The following CNTNAP4 variants were observed in gnomAD, a reference collection of about 807,000 sequenced individuals.
CNTNAP4 encodes the protein contactin associated protein family member 4, also known as contactin-associated protein-like 4.
Under a neutral mutation model 148.4 loss-of-function variants are expected in CNTNAP4, and 98 were observed. The ratio of observed to expected loss-of-function variants is 0.66; its 90% CI spans 0.56 to 0.78. CNTNAP4 has a LOEUF of 0.78. Ranked by LOEUF, CNTNAP4 falls within the 30% of genes least tolerant of loss-of-function variation. The probability of loss-of-function intolerance (pLI) is 0.00; values close to 1 mark genes in which losing one functional copy is unlikely to be tolerated. For missense variants in CNTNAP4, 1,935 were observed against 1,565.6 expected (o/e 1.24, Z -3.98); for synonymous variants, 730 against 565.1 (o/e 1.29, Z -4.14).
intron 18 of CNTNAP4, among the ~76,000 whole-genome samples, 195 bp downstream of exon 18, chr16:76,535,979 C>T (rs989753243): frequency 3.3e-5 from 5 of 152,184 alleles, no homozygotes; most frequent in South Asian, 2.1e-4. Context: ...AAAGATGGAG[C>T]GCATCATATT....
Position 76,482,098 on chromosome 16 carries a change from G to T in CNTNAP4, c.1882+2560G>T, listed in dbSNP as rs548179578. Among the ~76,000 whole-genome samples the T allele has an allele frequency of 2.3e-3, 357 of 152,018 alleles. 3 individuals carry two copies. Among genetic ancestry groups the T allele is most frequent in the Non-Finnish European group, 2.4e-3 (163 of 67,986 alleles). Reference sequence around the variant, plus strand: ...TTTAGTTGGATTGCAACTGCTCCTGGGTTAGGGAATGCTTCTTCAGGAGCA... The same window carrying T: ...TTTAGTTGGATTGCAACTGCTCCTGTGTTAGGGAATGCTTCTTCAGGAGCA... On this transcript the variant is annotated intron_variant, in intron 12 of 23. Coordinates refer to ENST00000611870, the MANE Select transcript of CNTNAP4 (RefSeq NM_033401.5).
chr16:76,396,156 C>T (rs1184264291), intron 3 of CNTNAP4, among the ~76,000 whole-genome samples: 1 of 152,188 alleles, frequency 6.6e-6, no homozygotes, highest in Non-Finnish European at 1.5e-5. Flanking sequence ...CATTCATTTC[C>T]AAATTTTGCT....
intron 3 of CNTNAP4, among the ~76,000 whole-genome samples, chr16:76,385,825 C>T (rs74026757): frequency 2.0e-5 from 3 of 152,042 alleles, no homozygotes; most frequent in African/African-American, 7.3e-5. Context: ...TAACTCATGA[C>T]TGAATGAAGC....
In CNTNAP4 at chr16:76,460,769, A is replaced by ATAAATAAAT. The variant is rs1461987722; in HGVS notation, c.1334-1187_1334-1186insTAAATAAAT. ...CTCATGTCTCAAAAAAAAAAAAAAA[A>ATAAATAAAT]AAAAATATATATATATATATATATA... On this transcript the variant is annotated intron_variant, in intron 8 of 23. Transcript: ENST00000611870. Among the ~76,000 whole-genome samples, 5 of 35,094 alleles carry ATAAATAAAT rather than the reference A, an allele frequency of 1.4e-4. 1 individual carries two copies. Among genetic ancestry groups the ATAAATAAAT allele is most frequent in the African/African-American group, 4.4e-4 (5 of 11,468 alleles). 23.0% of individuals were successfully genotyped at this position (35,094 alleles called of 152,430 possible). A position where few individuals can be genotyped will look rare whatever the true frequency, so the allele number is the denominator to read the frequency against.
chr16:76,472,230 AC>A (rs2081402153), intron 10 of CNTNAP4, among the ~76,000 whole-genome samples: 1 of 130,798 alleles, frequency 7.6e-6, no homozygotes, highest in Non-Finnish European at 1.8e-5. Context: ...GTACTATAGA[AC>A]CTAAATTGCC....
intron 3 of CNTNAP4, among the ~76,000 whole-genome samples, chr16:76,410,468 T>C (rs2078754793): frequency 6.6e-6 from 1 of 151,736 alleles, no homozygotes; most frequent in Non-Finnish European, 1.5e-5. Flanking sequence ...TTTTGTAGTT[T>C]TGTTACATCT....
chr16:76,412,627 T>G (rs1568060074), intron 3 of CNTNAP4, among the ~76,000 whole-genome samples: 1 of 151,338 alleles, frequency 6.6e-6, no homozygotes, highest in Non-Finnish European at 1.5e-5. Context: ...CAATGTCTAA[T>G]AAGATTAGCA....
chr16:76,460,773 A>AAAAAAAAAATATATATATATATATAT lies in CNTNAP4; in HGVS notation c.1334-1182_1334-1181insAAAAAAAATATATATATATATATATA. On this transcript the variant is annotated intron_variant, in intron 8 of 23. Transcript: ENST00000611870. Reference sequence around the variant, plus strand: ...TGTCTCAAAAAAAAAAAAAAAAAAAAATATATATATATATATATATATTTA... The same window carrying AAAAAAAAAATATATATATATATATAT: ...TGTCTCAAAAAAAAAAAAAAAAAAAAAAAAAAAAATATATATATATATATATATATATATATATATATATATATTTA... Among the ~76,000 whole-genome samples, 2 of 57,328 alleles carry AAAAAAAAAATATATATATATATATAT rather than the reference A, an allele frequency of 3.5e-5. 1 individual carries two copies. The highest frequency in any genetic ancestry group is 6.6e-5 in the Non-Finnish European group (2 of 30,514). The allele number at this position is 57,328 out of a possible 152,430, so 37.6% of individuals were successfully genotyped here.
rs908533332 is a variant in CNTNAP4, at chr16:76,556,811, C to T, written c.3734-1679C>T. Reference sequence around the variant, plus strand: ...TTTCATGTACAGAATTTGGTTACCACATTTATATTAATCAGCAACGATTTT... The same window carrying T: ...TTTCATGTACAGAATTTGGTTACCATATTTATATTAATCAGCAACGATTTT... On this transcript the variant is annotated intron_variant, in intron 23 of 23. Transcript: ENST00000611870. Among the ~76,000 whole-genome samples the T allele has an allele frequency of 1.3e-4, 20 of 152,174 alleles. 1 individual carries two copies. Among genetic ancestry groups the T allele is most frequent in the Admixed American group, 2.0e-4 (3 of 15,270 alleles).
rs192753621 is a variant in CNTNAP4, at chr16:76,550,320, G to T, written c.3443-2963G>T. ...TAACATGTAAAATACTCAAACATCC[G>T]GGCATTTGTTTTCTGTTTCTTTAGC... is the stretch of plus-strand genomic sequence containing the variant. On this transcript the variant is annotated intron_variant, in intron 21 of 23. Coordinates refer to ENST00000611870, the MANE Select transcript of CNTNAP4 (RefSeq NM_033401.5). Among the ~76,000 whole-genome samples the T allele has an allele frequency of 7.2e-5, 11 of 152,054 alleles. No individual in the cohort carries two copies. In the East Asian group the frequency reaches 1.7e-3, roughly 24 times the overall value.
chr16:76,333,524 C>T lies in CNTNAP4; in HGVS notation c.196+17001C>T, dbSNP rs180987975. 7.2e-5 allele frequency among the ~76,000 whole-genome samples: 11 copies of T among 152,138 alleles called. No homozygotes were observed. The East Asian group carries it at 1.9e-3, about 27-fold the overall frequency. On this transcript the variant is annotated intron_variant, in intron 2 of 23. Transcript: ENST00000611870. ...TCATTAATTGTTTGTACATTGTTTCCTTTAGCTCTTTGAGCGTATTAAAGA... is the reference window on the plus strand; with the variant it reads ...TCATTAATTGTTTGTACATTGTTTCTTTTAGCTCTTTGAGCGTATTAAAGA...
At chr16:76,279,461 A>G (rs1958604509) in intron 1 of CNTNAP4, among the ~76,000 whole-genome samples, 1 of 152,234 alleles carries the variant, frequency 6.6e-6, no homozygotes, top group African/African-American at 2.4e-5. Context: ...TAGAAAAGAA[A>G]AGGTGCTGAA....
intron 1 of CNTNAP4, among the ~76,000 whole-genome samples, chr16:76,282,195 A>G (rs1227114363): frequency 6.6e-6 from 1 of 151,896 alleles, no homozygotes. Flanking sequence ...GTAACAGAGG[A>G]TATCTTCAAG....
At chr16:76,348,645 A>G (rs1965115542) in intron 2 of CNTNAP4, among the ~76,000 whole-genome samples, 1 of 152,188 alleles carries the variant, frequency 6.6e-6, no homozygotes, top group African/African-American at 2.4e-5. Flanking sequence ...ACTAGTATCA[A>G]ACGCCACAGA....
At chr16:76,433,612 C>G (rs2079697504) in intron 4 of CNTNAP4, among the ~76,000 whole-genome samples, 2 of 152,016 alleles carry the variant, frequency 1.3e-5, no homozygotes, top group Non-Finnish European at 2.9e-5. Flanking sequence ...GTGAGGAAAA[C>G]AAAACATTGA....
At chr16:76,493,752 C>T (rs182610495) in intron 13 of CNTNAP4, among the ~76,000 whole-genome samples, 13 of 152,230 alleles carry the variant, frequency 8.5e-5, no homozygotes, top group Admixed American at 2.0e-4. Context: ...CATATTAATG[C>T]ATTTATGCAT....
intron 4 of CNTNAP4, among the ~76,000 whole-genome samples, chr16:76,429,208 A>T (rs1477892526): frequency 6.6e-6 from 1 of 151,814 alleles, no homozygotes; most frequent in African/African-American, 2.4e-5. Flanking sequence ...AAAAAATCCT[A>T]CCCCCAATTA....
intron 3 of CNTNAP4, among the ~76,000 whole-genome samples, chr16:76,426,077 C>T (rs1395484): frequency 0.31 from 47,078 of 151,856 alleles, 8,215 homozygotes; most frequent in Middle Eastern, 0.46. Flanking sequence ...TTGGAGATGC[C>T]ATCACAGCTG....
chr16:76,388,076 A>T (rs909311444), intron 3 of CNTNAP4, among the ~76,000 whole-genome samples: 2 of 152,192 alleles, frequency 1.3e-5, no homozygotes, highest in African/African-American at 4.8e-5. Flanking sequence ...TCAGTCACTG[A>T]CTTGAGAGAA....
Sources: allele counts gnomAD v4.1 joint callset (sites outside exome capture counted in the v4.1 genomes callset), GRCh38; gene constraint gnomAD v4.1.1; transcripts MANE v1.5; gene names NCBI Gene and HGNC (gene_info 2026-07-23, HGNC 2026-07-21).